UGT1A8: variants seen among roughly 807,000 people sequenced by gnomAD.
UGT1A8 encodes UDP glucuronosyltransferase family 1 member A8.
A neutral mutation model predicts 45.3 loss-of-function variants in UGT1A8; 39 were observed. That is an observed-to-expected ratio of 0.86 (90% CI 0.67 to 1.12). The LOEUF (loss-of-function observed/expected upper bound fraction) is 1.12, where lower values mean the gene tolerates loss of function less well. Among genes scored for constraint, UGT1A8 ranks in the 50% most tolerant of loss-of-function variants. The pLI, the probability that UGT1A8 is intolerant of heterozygous loss-of-function variation, is 0.00. For missense variants in UGT1A8, 719 were observed against 664.9 expected, an observed-to-expected ratio of 1.08 and a Z score of -0.90; for synonymous variants, 275 against 249.2, an observed-to-expected ratio of 1.10 and a Z score of -0.97.
intron 4 of UGT1A8, among the ~76,000 whole-genome samples, chr2:233,768,959 C>T (rs1259546166): frequency 6.6e-6 from 1 of 152,056 alleles, no homozygotes; most frequent in African/African-American, 2.4e-5. Flanking sequence ...TATAATTTAT[C>T]ATATAATTTA....
At chr2:233,644,570 G>GAATA (rs142251670) in intron 1 of UGT1A8, among the ~76,000 whole-genome samples, 18,621 of 151,136 alleles carry the variant, frequency 0.12, 1,232 homozygotes, top group Non-Finnish European at 0.16. Context: ...CAAAAAATAA[G>GAATA]AATAAATAAA....
chr2:233,749,920 A>G (rs1428594546), intron 1 of UGT1A8, among the ~76,000 whole-genome samples: 1 of 151,914 alleles, frequency 6.6e-6, no homozygotes, highest in Non-Finnish European at 1.5e-5. Flanking sequence ...CTGTGAGTCA[A>G]TTAAAGCTCT....
chr2:233,640,413 A>C (rs1253320908), intron 1 of UGT1A8, among the ~76,000 whole-genome samples: 1 of 152,078 alleles, frequency 6.6e-6, no homozygotes, highest in Non-Finnish European at 1.5e-5. Flanking sequence ...AATAAGTAAA[A>C]TTTGTTACAC....
At chr2:233,636,364 T>G (rs2073289255) in intron 1 of UGT1A8, 3 of 1,258,162 alleles carry the variant, frequency 2.4e-6, no homozygotes, top group East Asian at 5.1e-5. Flanking sequence ...GTTATCGTTC[T>G]TATGAGTAAA....
At chr2:233,737,647 C>T (rs1413488043) in intron 1 of UGT1A8, among the ~76,000 whole-genome samples, 1 of 152,204 alleles carries the variant, frequency 6.6e-6, no homozygotes, top group African/African-American at 2.4e-5. Flanking sequence ...GTCGATCATG[C>T]TGGGAGCTGC....
chr2:233,755,064 C>A, intron 1 of UGT1A8: 1 of 1,335,842 alleles, frequency 7.5e-7, no homozygotes, highest in African/African-American at 1.5e-5. Flanking sequence ...CCTCGCCTCG[C>A]CATAGCGGTC....
chr2:233,719,092 G>A lies in UGT1A8; in HGVS notation c.856-47942G>A, dbSNP rs570129053. 84 of 1,614,240 alleles carry A rather than the reference G, an allele frequency of 5.2e-5. No homozygotes were observed. The highest frequency in any genetic ancestry group is 6.6e-5 in the Non-Finnish European group (78 of 1,180,038). On this transcript the variant is annotated intron_variant, in intron 1 of 4. Transcript: ENST00000373450. Reference sequence around the variant, plus strand: ...CCATGGACCCAGAAGGAATTTGATCGCGTTACGCTGGGCTACACTCAAGGG... The same window carrying A: ...CCATGGACCCAGAAGGAATTTGATCACGTTACGCTGGGCTACACTCAAGGG...
intron 1 of UGT1A8, among the ~76,000 whole-genome samples, chr2:233,697,092 C>G (rs1373676838): frequency 6.6e-6 from 1 of 151,956 alleles, no homozygotes; most frequent in Non-Finnish European, 1.5e-5. Flanking sequence ...ACTGGTCTCA[C>G]AGGATGAGTT....
intron 1 of UGT1A8, chr2:233,729,538 A>G: frequency 6.2e-7 from 1 of 1,614,196 alleles, no homozygotes; most frequent in Non-Finnish European, 8.5e-7. Context: ...TGAGGCCCTG[A>G]TCAGGCACCT....
At chr2:233,719,039 A>T in intron 1 of UGT1A8, 2 of 1,614,110 alleles carry the variant, frequency 1.2e-6, no homozygotes, top group Non-Finnish European at 1.7e-6. Context: ...AAGAAGAGAA[A>T]TTTTTCACCC....
chr2:233,766,617 A>C lies in UGT1A8; in HGVS notation c.856-417A>C, dbSNP rs34737611. Reference sequence around the variant, plus strand: ...CCAGGGACCACACCCTCTTCTACCCAGCACTTCCCTTCCCTACTTCCATAT... The same window carrying C: ...CCAGGGACCACACCCTCTTCTACCCCGCACTTCCCTTCCCTACTTCCATAT... On this transcript the variant is annotated intron_variant, in intron 1 of 4. Transcript: ENST00000373450. Among the ~76,000 whole-genome samples, 23 of 152,284 alleles carry C rather than the reference A, an allele frequency of 1.5e-4. No individual in the cohort carries two copies. In the East Asian group the frequency reaches 4.3e-3, roughly 28 times the overall value.
At chr2:233,743,088 A>T (rs942184123) in intron 1 of UGT1A8, 6 of 346,134 alleles carry the variant, frequency 1.7e-5, no homozygotes, top group African/African-American at 1.3e-4. Context: ...AGTGTTTATA[A>T]ATTCTTGGGT....
chr2:233,737,540 C>T (rs191771735), intron 1 of UGT1A8, among the ~76,000 whole-genome samples: 164 of 152,332 alleles, frequency 1.1e-3, no homozygotes, highest in East Asian at 4.4e-3. Flanking sequence ...TGCCCTGCTT[C>T]GGCTTGCCCT....
intron 2 of UGT1A8, among the ~76,000 whole-genome samples, chr2:233,767,483 G>A (rs1215340946): frequency 1.3e-5 from 2 of 152,158 alleles, no homozygotes; most frequent in Admixed American, 6.5e-5. Context: ...TTAAATAGAA[G>A]TATTTCTCCA....
chr2:233,733,707 C>G (rs1270578849), intron 1 of UGT1A8, among the ~76,000 whole-genome samples: 1 of 152,160 alleles, frequency 6.6e-6, no homozygotes, highest in Non-Finnish European at 1.5e-5. Context: ...ATTTGGTTTG[C>G]AGAATTTTAC....
chr2:233,641,183 C>T (rs1337456525), intron 1 of UGT1A8, among the ~76,000 whole-genome samples: 1 of 152,136 alleles, frequency 6.6e-6, no homozygotes, highest in Non-Finnish European at 1.5e-5. Context: ...AACATATTTT[C>T]CTACTTTCTC....
chr2:233,697,824 A>G (rs1392359237), intron 1 of UGT1A8, among the ~76,000 whole-genome samples: 2 of 152,174 alleles, frequency 1.3e-5, no homozygotes, highest in East Asian at 3.8e-4. Flanking sequence ...AATTTCAAGA[A>G]AATCTAATTA....
At chr2:233,760,301 C>G (rs1697391714) in intron 1 of UGT1A8, 1 of 1,613,532 alleles carries the variant, frequency 6.2e-7, no homozygotes, top group South Asian at 1.1e-5. Flanking sequence ...GCTGTGGAGT[C>G]CCAGGGCGGA....
In UGT1A8 at chr2:233,739,470, C is replaced by T. The variant is rs188701117; in HGVS notation, c.856-27564C>T. On this transcript the variant is annotated intron_variant, in intron 1 of 4. Transcript: ENST00000373450. ...CCACAGGGTTGGAGCTGCCTGAGAC[C>T]GTGGGAGCCCATTTCTGGCATCACC... 1.6e-3 allele frequency among the ~76,000 whole-genome samples: 240 copies of T among 152,268 alleles called. 1 individual carries two copies. The highest frequency in any genetic ancestry group is 4.9e-3 in the African/African-American group (205 of 41,548).
Sources: allele counts gnomAD v4.1 joint callset (sites outside exome capture counted in the v4.1 genomes callset), GRCh38; gene constraint gnomAD v4.1.1; transcripts MANE v1.5; gene names NCBI Gene and HGNC (gene_info 2026-07-23, HGNC 2026-07-21).